Variants in BMPR1B observed in about 807,000 individuals in gnomAD.
BMPR1B encodes the protein bone morphogenetic protein receptor type-1B.
BMPR1B carries 12 observed loss-of-function variants against 59.1 expected under a neutral mutation model. The observed-to-expected ratio is 0.20, with a 90% confidence interval of 0.13 to 0.33. The LOEUF (loss-of-function observed/expected upper bound fraction) is 0.33. BMPR1B is among the 10% of genes least tolerant of loss of function. BMPR1B has a pLI of 1.00. For synonymous variants in BMPR1B, 237 were observed against 207.3 expected (o/e 1.14, Z -1.23); for missense variants, 550 against 610.9 (o/e 0.90, Z 1.05).
intron 3 of BMPR1B, among the ~76,000 whole-genome samples, chr4:95,089,180 C>T (rs150385402): frequency 3.2e-3 from 482 of 152,142 alleles, no homozygotes; most frequent in Non-Finnish European, 5.3e-3. Context: ...AAAAATATTT[C>T]AAGGTGGAAA....
intron 1 of BMPR1B, among the ~76,000 whole-genome samples, chr4:94,824,987 A>C (rs909030917): frequency 2.0e-5 from 3 of 152,208 alleles, no homozygotes; most frequent in African/African-American, 4.8e-5. Context: ...AGAAAATTTC[A>C]ATACAAGCTT....
At chr4:94,888,252 A>G (rs1727258705) in intron 2 of BMPR1B, among the ~76,000 whole-genome samples, 1 of 152,132 alleles carries the variant, frequency 6.6e-6, no homozygotes. Context: ...CATGAGCTGT[A>G]TCCATCCAAA....
chr4:95,153,132 G>A (rs965558944), intron 12 of BMPR1B, among the ~76,000 whole-genome samples: 1 of 152,124 alleles, frequency 6.6e-6, no homozygotes, highest in African/African-American at 2.4e-5. Flanking sequence ...CCCATGTACA[G>A]CATTCTCCCA....
At chr4:94,980,245 A>C (rs1731183999) in intron 2 of BMPR1B, among the ~76,000 whole-genome samples, 1 of 152,210 alleles carries the variant, frequency 6.6e-6, no homozygotes. Flanking sequence ...TTGTGAATTA[A>C]CTATAGTTTG....
At chr4:94,816,227 AC>A (rs770050747) in intron 1 of BMPR1B, among the ~76,000 whole-genome samples, 73 of 152,238 alleles carry the variant, frequency 4.8e-4, no homozygotes, top group Middle Eastern at 6.8e-3. Context: ...GCTGACTGCA[AC>A]CTCTGCCTCC....
intron 1 of BMPR1B, among the ~76,000 whole-genome samples, chr4:94,827,862 T>G (rs1724439918): frequency 6.6e-6 from 1 of 152,220 alleles, no homozygotes; most frequent in African/African-American, 2.4e-5. Context: ...CACAGTGTCA[T>G]GGAGAGATGA....
intron 1 of BMPR1B, among the ~76,000 whole-genome samples, chr4:94,785,649 G>T (rs1722737735): frequency 6.6e-6 from 1 of 152,166 alleles, no homozygotes; most frequent in Admixed American, 6.5e-5. Flanking sequence ...CCAGAGAACT[G>T]CTATAATTTC....
At chr4:95,144,696 G>A (rs764006593) in intron 10 of BMPR1B, among the ~76,000 whole-genome samples, 1 of 152,020 alleles carries the variant, frequency 6.6e-6, no homozygotes, top group Non-Finnish European at 1.5e-5. Context: ...AAGTATAAAA[G>A]GGCAAAATTG....
In BMPR1B at chr4:94,785,763, T is replaced by C. The variant is rs142905893; in HGVS notation, c.-183+27695T>C. On this transcript the variant is annotated intron_variant, in intron 1 of 12. Coordinates refer to ENST00000515059, the MANE Select transcript of BMPR1B (RefSeq NM_001203.3). ...GCAGTATAAGACTGAAGGTACAGTT[T>C]TGACAGATCACCTGTCAAAGCCAGG... Among the ~76,000 whole-genome samples the C allele has an allele frequency of 1.7e-3, 255 of 152,248 alleles. 4 individuals carry two copies. In the East Asian group the frequency reaches 0.034, roughly 20 times the overall value.
intron 2 of BMPR1B, among the ~76,000 whole-genome samples, chr4:94,926,103 C>T (rs1425510792): frequency 7.3e-6 from 1 of 137,878 alleles, no homozygotes; most frequent in Non-Finnish European, 1.6e-5. Flanking sequence ...CCTTCCTTTC[C>T]TTCCCCTCCC....
chr4:94,909,715 G>A (rs1409415569), intron 2 of BMPR1B, among the ~76,000 whole-genome samples: 1 of 151,952 alleles, frequency 6.6e-6, no homozygotes, highest in Non-Finnish European at 1.5e-5. Flanking sequence ...TTATTTGTGA[G>A]AAGTTACAAG....
chr4:95,000,352 A>T (rs898418311), intron 3 of BMPR1B, among the ~76,000 whole-genome samples: 2 of 152,090 alleles, frequency 1.3e-5, no homozygotes, highest in Non-Finnish European at 2.9e-5. Flanking sequence ...TTTTTTTCAG[A>T]TATAGTTTGC....
chr4:94,873,922 T>C (rs1210732221), intron 1 of BMPR1B, among the ~76,000 whole-genome samples: 2 of 152,162 alleles, frequency 1.3e-5, no homozygotes, highest in African/African-American at 4.8e-5. Flanking sequence ...ACAAGCCCCA[T>C]TTTCTTTTCT....
At chr4:94,936,215 T>TAATG (rs1281611411) in intron 2 of BMPR1B, among the ~76,000 whole-genome samples, 1 of 152,150 alleles carries the variant, frequency 6.6e-6, no homozygotes, top group Non-Finnish European at 1.5e-5. Flanking sequence ...ATTAAATCAT[T>TAATG]AATGTTAAAG....
intron 3 of BMPR1B, among the ~76,000 whole-genome samples, chr4:95,082,212 C>G (rs576391967): frequency 7.6e-6 from 1 of 131,770 alleles, no homozygotes; most frequent in South Asian, 2.7e-4. Flanking sequence ...TTTAACTGTT[C>G]AATTTTTTTT....
intron 1 of BMPR1B, among the ~76,000 whole-genome samples, chr4:94,784,101 A>G (rs1722678642): frequency 6.6e-6 from 1 of 152,094 alleles, no homozygotes; most frequent in Non-Finnish European, 1.5e-5. Context: ...ATTTCCAGAG[A>G]CTTTAAGTGT....
At chr4:94,796,537 A>T (rs1723201674) in intron 1 of BMPR1B, among the ~76,000 whole-genome samples, 1 of 148,388 alleles carries the variant, frequency 6.7e-6, no homozygotes, top group Admixed American at 6.8e-5. Flanking sequence ...GAGGTTCTTA[A>T]TTTTTTTTTT....
intron 11 of BMPR1B, among the ~76,000 whole-genome samples, chr4:95,149,561 A>G (rs988651030): frequency 1.3e-5 from 2 of 152,224 alleles, no homozygotes; most frequent in Non-Finnish European, 1.5e-5. Flanking sequence ...TATTACTTGT[A>G]CTATTTTGAT....
chr4:94,832,446 C>T (rs1243745955), intron 1 of BMPR1B, among the ~76,000 whole-genome samples: 1 of 152,108 alleles, frequency 6.6e-6, no homozygotes, highest in Non-Finnish European at 1.5e-5. Flanking sequence ...TACCATGGGG[C>T]AGCTGATTTT....
Sources: gnomAD v4.1 joint callset for allele counts (sites outside exome capture counted in the v4.1 genomes callset) on GRCh38, gnomAD v4.1.1 for gene constraint, MANE v1.5 for transcripts, NCBI Gene and HGNC (gene_info 2026-07-23, HGNC 2026-07-21) for gene names.